Variants in NOL10 observed in about 807,000 individuals in gnomAD.
The protein encoded by NOL10 is H_NH0074G24.1.
Under a neutral mutation model 103.5 loss-of-function variants are expected in NOL10, and 58 were observed. The observed-to-expected ratio is 0.56, with a 90% CI of 0.45 to 0.70. The LOEUF (loss-of-function observed/expected upper bound fraction) is 0.70. NOL10 is among the 30% of genes least tolerant of loss of function. NOL10 has a pLI of 0.00. For synonymous variants in NOL10, 287 were observed against 282.5 expected, an observed-to-expected ratio of 1.02 and a Z score of -0.16; for missense variants, 763 against 807.3, an observed-to-expected ratio of 0.95 and a Z score of 0.67.
At chr2:10,641,187 A>C (rs1678677501) in intron 13 of NOL10, among the ~76,000 whole-genome samples, 1 of 151,412 alleles carries the variant, frequency 6.6e-6, no homozygotes, top group South Asian at 2.1e-4. Context: ...AAAAAAAAAA[A>C]AAAAAATTAG....
chr2:10,591,468 G>A (rs1183074648), intron 17 of NOL10, among the ~76,000 whole-genome samples: 1 of 152,128 alleles, frequency 6.6e-6, no homozygotes, highest in East Asian at 1.9e-4. Flanking sequence ...CGATGGGAGT[G>A]GTGAATAGTC....
rs555621272 is a variant in NOL10, at chr2:10,683,073, G to C, written c.113-1004C>G. On this transcript the variant is annotated intron_variant, in intron 2 of 20. Coordinates refer to ENST00000381685, the MANE Select transcript of NOL10 (RefSeq NM_024894.4). ...GCTGGGATTACAGGCATAAGCCACT[G>C]TGCCTGACCCAACCTCTTAAGTTTA... Among the ~76,000 whole-genome samples the C allele has an allele frequency of 4.6e-5, 7 of 152,312 alleles. No individual in the cohort carries two copies. The South Asian group carries it at 1.5e-3, about 32-fold the overall frequency.
intron 12 of NOL10, among the ~76,000 whole-genome samples, chr2:10,650,726 A>G (rs72777315): frequency 0.017 from 2,636 of 152,232 alleles, 38 homozygotes; most frequent in Non-Finnish European, 0.027. Context: ...ACTACACTCT[A>G]GCTTAGGTGA....
intron 13 of NOL10, among the ~76,000 whole-genome samples, chr2:10,614,364 T>C (rs1424209082): frequency 6.6e-6 from 1 of 152,132 alleles, no homozygotes; most frequent in Non-Finnish European, 1.5e-5. Flanking sequence ...CAGGCTGGAG[T>C]GCAGTGGTAT....
At chr2:10,636,420 C>CAAAAAAAAAAAAAAAAAA (rs70953327) in intron 13 of NOL10, among the ~76,000 whole-genome samples, 2 of 54,694 alleles carry the variant, frequency 3.7e-5, no homozygotes, top group East Asian at 7.6e-4. Flanking sequence ...TACAAAAAAC[C>CAAAAAAAAAAAAAAAAAA]AAAAAAAAAA....
At chr2:10,673,211 A>T (rs1438172466) in intron 5 of NOL10, 1 of 222,502 alleles carries the variant, frequency 4.5e-6, no homozygotes, top group Non-Finnish European at 8.8e-6. Flanking sequence ...CAGAATCACA[A>T]ATCTAGAATA....
At chr2:10,665,509 T>C (rs1176683550) in intron 8 of NOL10, among the ~76,000 whole-genome samples, 1 of 152,244 alleles carries the variant, frequency 6.6e-6, no homozygotes, top group African/African-American at 2.4e-5. Context: ...GATCTGACTA[T>C]GCTTATGAAA....
At position 10,600,964 on chromosome 2, in the gene NOL10, G is replaced by T. The variant is rs1558281373; in HGVS notation, c.1333-22C>A. 2.2e-6 allele frequency: 3 copies of T among 1,384,692 alleles called. No individual in the cohort carries two copies. The Admixed American group carries it at 6.3e-5, about 29-fold the overall frequency. 85.8% of individuals were successfully genotyped at this position (1,384,692 alleles called of 1,614,324 possible). A position where few individuals can be genotyped will look rare whatever the true frequency, so the allele number is the denominator to read the frequency against. ...ATTTCTAGAGAGAAAATAAAAGCTGGTATTTTATTTTATTTTAAAAGCTAA... is the reference window on the plus strand; with the variant it reads ...ATTTCTAGAGAGAAAATAAAAGCTGTTATTTTATTTTATTTTAAAAGCTAA... On this transcript the variant is annotated intron_variant, in intron 16 of 20. Coordinates refer to ENST00000381685, the MANE Select transcript of NOL10 (RefSeq NM_024894.4).
intron 13 of NOL10, among the ~76,000 whole-genome samples, chr2:10,621,374 G>A (rs1254377475): frequency 2.0e-5 from 3 of 152,110 alleles, no homozygotes; most frequent in East Asian, 1.9e-4. Flanking sequence ...CAGGAGTATC[G>A]TTTGAGCCCA....
intron 13 of NOL10, among the ~76,000 whole-genome samples, chr2:10,618,375 T>G (rs1363385421): frequency 6.6e-6 from 1 of 152,188 alleles, no homozygotes; most frequent in Non-Finnish European, 1.5e-5. Flanking sequence ...GAAAGAGCCC[T>G]GATTTGCAGG....
At chr2:10,682,920 G>A (rs1681882848) in intron 2 of NOL10, among the ~76,000 whole-genome samples, 1 of 151,994 alleles carries the variant, frequency 6.6e-6, no homozygotes, top group African/African-American at 2.4e-5. Flanking sequence ...AAGTAGCTGG[G>A]GCTACAGGCA....
chr2:10,594,054 T>C (rs578154000), intron 17 of NOL10, among the ~76,000 whole-genome samples: 1 of 152,166 alleles, frequency 6.6e-6, no homozygotes, highest in African/African-American at 2.4e-5. Flanking sequence ...AAAATAACTA[T>C]GGATCATGGC....
intron 12 of NOL10, among the ~76,000 whole-genome samples, chr2:10,645,310 A>AT (rs1221148494): frequency 1.3e-5 from 2 of 152,228 alleles, no homozygotes; most frequent in African/African-American, 4.8e-5. Flanking sequence ...TACAAGAGGA[A>AT]TCCACAGAGA....
At chr2:10,668,365 A>C (rs1680686934) in intron 7 of NOL10, among the ~76,000 whole-genome samples, 1 of 152,220 alleles carries the variant, frequency 6.6e-6, no homozygotes, top group Non-Finnish European at 1.5e-5. Flanking sequence ...AAATATCACA[A>C]AACAAAACCA....
rs1572391523 is a variant in NOL10 at position 10,657,775 on chromosome 2, G to A, written c.873C>T (p.Asp291=). The change falls in exon 11 of 21, where the codon GAC becomes GAT. Residue 291 remains aspartate (D), a synonymous_variant. Transcript: ENST00000381685. The part of the protein sequence containing the change: ...QDSLDLILSA[D]SRIVKMWNKN... ...TATTCCACATCTTGACAATTCGAGAGTCAGCAGACAAAATCAGATCTAATG... is the reference window on the plus strand; with the variant it reads ...TATTCCACATCTTGACAATTCGAGAATCAGCAGACAAAATCAGATCTAATG... 3 of 1,551,192 alleles carry A rather than the reference G, an allele frequency of 1.9e-6. No individual in the cohort carries two copies. In the African/African-American group the frequency reaches 4.1e-5, roughly 21 times the overall value.
At chr2:10,637,294 T>C (rs771149698) in intron 13 of NOL10, among the ~76,000 whole-genome samples, 18 of 151,876 alleles carry the variant, frequency 1.2e-4, no homozygotes, top group South Asian at 2.1e-4. Flanking sequence ...TATTTCTTCA[T>C]TGAGCAAGAA....
intron 6 of NOL10, among the ~76,000 whole-genome samples, chr2:10,669,891 A>AAAT (rs371037850): frequency 0.017 from 2,495 of 150,106 alleles, 61 homozygotes; most frequent in African/African-American, 0.056. Context: ...ACTCCATCTC[A>AAAT]AATAATAATA....
rs35181197 is a variant in NOL10, at chr2:10,676,939, CTTTTTT to C, written c.212-1074_212-1069del. Among the ~76,000 whole-genome samples the C allele has an allele frequency of 2.1e-5, 3 of 144,642 alleles. No individual in the cohort carries two copies. The South Asian group carries it at 6.6e-4, about 32-fold the overall frequency. 94.9% of individuals were successfully genotyped at this position (144,642 alleles called of 152,430 possible). ...AGACATGAGCCATCGAGGCCGGCCT[CTTTTTT>C]TTTTTTTCTTTGAAATGGGGTCTTG... On this transcript the variant is annotated intron_variant, in intron 3 of 20. Transcript: ENST00000381685.
chr2:10,615,446 GAGTGCCTTCAGTCA>G (rs1676782006), intron 13 of NOL10, among the ~76,000 whole-genome samples: 1 of 152,146 alleles, frequency 6.6e-6, no homozygotes, highest in Admixed American at 6.5e-5. Flanking sequence ...ACACATGACA[GAGTGCCTTCAGTCA>G]AGGGCTAGCA....
Sources: gnomAD v4.1 joint callset for allele counts (sites outside exome capture counted in the v4.1 genomes callset) on GRCh38, gnomAD v4.1.1 for gene constraint, MANE v1.5 for transcripts, NCBI Gene and HGNC (gene_info 2026-07-23, HGNC 2026-07-21) for gene names.